PLSCR2: variants seen among roughly 807,000 people sequenced by gnomAD.
PLSCR2 encodes the protein phospholipid scramblase 2, also known as PL scramblase 2.
Under a neutral mutation model 25.3 loss-of-function variants are expected in PLSCR2, and 18 were observed. The observed-to-expected ratio is 0.71, with a 90% confidence interval of 0.49 to 1.06. PLSCR2 has a LOEUF of 1.06. Among genes scored for constraint, PLSCR2 ranks in the 50% least tolerant of loss-of-function variants. PLSCR2 has a pLI of 0.00. For missense variants in PLSCR2, 243 were observed against 269.5 expected, an observed-to-expected ratio of 0.90 and a Z score of 0.69; for synonymous variants, 88 against 87.3, an observed-to-expected ratio of 1.01 and a Z score of -0.04.
chr3:146,487,265 A>C (rs112628053), intron 1 of PLSCR2, among the ~76,000 whole-genome samples: 6,383 of 152,166 alleles, frequency 0.042, 192 homozygotes, highest in Admixed American at 0.089. Flanking sequence ...CAAGACAAGG[A>C]TACTCTCTCT....
At chr3:146,410,130 G>A (rs1398311400) in intron 2 of PLSCR2, among the ~76,000 whole-genome samples, 1 of 151,330 alleles carries the variant, frequency 6.6e-6, no homozygotes, top group East Asian at 1.9e-4. Flanking sequence ...GCACAGCCAA[G>A]TCTTGGAGAC....
upstream of PLSCR2, among the ~76,000 whole-genome samples, chr3:146,462,430 A>G (rs1324840881): frequency 1.3e-5 from 2 of 150,896 alleles, no homozygotes; most frequent in Non-Finnish European, 2.9e-5. Flanking sequence ...GCCCACGACG[A>G]TGAACACTTT....
At chr3:146,417,245 A>T (rs1235018516) in intron 2 of PLSCR2, among the ~76,000 whole-genome samples, 5 of 152,224 alleles carry the variant, frequency 3.3e-5, no homozygotes, top group Admixed American at 6.5e-5. Flanking sequence ...GGATTCTAAC[A>T]GTGCCTACAA....
intron 8 of PLSCR2, among the ~76,000 whole-genome samples, chr3:146,435,077 C>T (rs2039761791): frequency 6.6e-6 from 1 of 152,076 alleles, no homozygotes; most frequent in African/African-American, 2.4e-5. Context: ...CAGCTTCATC[C>T]ATGTCCCTAC....
upstream of PLSCR2, among the ~76,000 whole-genome samples, chr3:146,464,762 T>A (rs2041785216): frequency 6.6e-6 from 1 of 152,194 alleles, no homozygotes; most frequent in Non-Finnish European, 1.5e-5. Context: ...TACATCTCTT[T>A]TAAAGTAATT....
intron 5 of PLSCR2, among the ~76,000 whole-genome samples, chr3:146,452,335 C>T (rs1183744389): frequency 1.3e-5 from 2 of 151,778 alleles, no homozygotes; most frequent in African/African-American, 4.8e-5. Flanking sequence ...AAATTTAATA[C>T]TAATAATTGG....
At chr3:146,494,534 G>A (rs1165871894) in intron 1 of PLSCR2, 6 of 152,062 alleles carry the variant, frequency 3.9e-5, no homozygotes, top group Admixed American at 3.9e-4. Context: ...ATTTAATTAT[G>A]CCAGACAAAC....
At chr3:146,440,213 G>A (rs1274109475), downstream of PLSCR2, among the ~76,000 whole-genome samples, 3 of 152,102 alleles carry the variant, frequency 2.0e-5, no homozygotes, top group African/African-American at 7.2e-5. Context: ...GTTGGGCTAC[G>A]CAGGGGTCAG....
intron 2 of PLSCR2, 25 bp from the exon 3 acceptor site, chr3:146,458,478 G>A (rs1576676193): frequency 1.5e-6 from 2 of 1,373,650 alleles, no homozygotes; most frequent in Non-Finnish European, 2.0e-6. Context: ...AGAAAATGAA[G>A]TTGTATGTCA....
chr3:146,398,314 T>C (rs1436525325), intron 2 of PLSCR2, among the ~76,000 whole-genome samples: 3 of 151,840 alleles, frequency 2.0e-5, no homozygotes, highest in African/African-American at 7.2e-5. Context: ...AAGCAGAAAC[T>C]GCGTTAATGA....
At chr3:146,462,023 C>G, upstream of PLSCR2, 1 of 676,318 alleles carries the variant, frequency 1.5e-6, no homozygotes, top group Non-Finnish European at 2.3e-6. Context: ...AAATTAAACA[C>G]TTAGTAAATT....
chr3:146,403,964 C>T (rs2038565011), intron 2 of PLSCR2, among the ~76,000 whole-genome samples: 1 of 152,190 alleles, frequency 6.6e-6, no homozygotes, highest in Non-Finnish European at 1.5e-5. Flanking sequence ...CACCTTGACT[C>T]ATTCCGATTA....
rs1014679060 is a variant in PLSCR2 at position 146,453,986 on chromosome 3, T to A, written c.483+16A>T. ...ATTAAAAAAGCAAATCCTATAAACA[T>A]TATGACATCTCTTACCTCAAAATCA... On this transcript the variant is annotated intron_variant, in intron 5 of 6. Transcript: ENST00000610787. 4.5e-6 allele frequency: 7 copies of A among 1,555,722 alleles called. No homozygotes were observed. Among genetic ancestry groups the A allele is most frequent in the Non-Finnish European group, 6.0e-6 (7 of 1,159,624 alleles).
At chr3:146,474,029 T>C (rs949110178) in intron 1 of PLSCR2, among the ~76,000 whole-genome samples, 2 of 152,202 alleles carry the variant, frequency 1.3e-5, no homozygotes, top group Non-Finnish European at 2.9e-5. Context: ...TGCATTTGGT[T>C]ATATTACTTA....
At chr3:146,418,073 G>A (rs2039042602) in intron 2 of PLSCR2, among the ~76,000 whole-genome samples, 2 of 151,994 alleles carry the variant, frequency 1.3e-5, no homozygotes, top group Admixed American at 6.6e-5. Context: ...GATAACACAG[G>A]ATAATTTGAC....
At chr3:146,448,052 C>A (rs186841837) in intron 6 of PLSCR2, among the ~76,000 whole-genome samples, 70 of 152,264 alleles carry the variant, frequency 4.6e-4, no homozygotes, top group African/African-American at 1.5e-3. Flanking sequence ...AAGCCACTGC[C>A]GGGTATGGGG....
In PLSCR2 at chr3:146,400,330, A is replaced by C. The variant is rs558479983; in HGVS notation, c.101-4409T>G. Reference sequence around the variant, plus strand: ...CACAGAGCAATAATTTTCTATATACAATATACTATATACAAGCAACAAAAA... The same window carrying C: ...CACAGAGCAATAATTTTCTATATACCATATACTATATACAAGCAACAAAAA... On this transcript the variant is annotated intron_variant and NMD_transcript_variant, in intron 2 of 3. Transcript: ENST00000463633. Among the ~76,000 whole-genome samples, 16 of 151,712 alleles carry C rather than the reference A, an allele frequency of 1.1e-4. No individual in the cohort carries two copies. In the East Asian group the frequency reaches 2.7e-3, roughly 26 times the overall value.
intron 3 of PLSCR2, among the ~76,000 whole-genome samples, chr3:146,393,023 A>G (rs1471262059): frequency 8.3e-6 from 1 of 121,142 alleles, no homozygotes; most frequent in Non-Finnish European, 1.8e-5. Flanking sequence ...GGTTATTTAC[A>G]TTCCTTTTTT....
intron 3 of PLSCR2, among the ~76,000 whole-genome samples, chr3:146,392,511 C>T (rs1375349048): frequency 6.6e-6 from 1 of 151,812 alleles, no homozygotes; most frequent in Non-Finnish European, 1.5e-5. Context: ...AATATTTGTA[C>T]ATTTTCGTTA....
Sources: allele counts gnomAD v4.1 joint callset (sites outside exome capture counted in the v4.1 genomes callset), GRCh38; gene constraint gnomAD v4.1.1; transcripts MANE v1.5; gene names NCBI Gene and HGNC (gene_info 2026-07-23, HGNC 2026-07-21).